The following SSBP2 variants were observed in gnomAD, a reference collection of about 807,000 sequenced individuals.
The protein encoded by SSBP2 is single stranded DNA binding protein 2.
Under a neutral mutation model 61.8 loss-of-function variants are expected in SSBP2, and 17 were observed. The ratio of observed to expected loss-of-function variants is 0.28; its 90% CI spans 0.19 to 0.41. SSBP2 has a LOEUF of 0.41. SSBP2 is among the 10% of genes least tolerant of loss of function. SSBP2 has a pLI of 1.00. For synonymous variants in SSBP2, 139 were observed against 141.3 expected (o/e 0.98, Z 0.12); for missense variants, 310 against 458.7 (o/e 0.68, Z 2.96).
chr5:81,716,550 A>C (rs1344042680), intron 1 of SSBP2, among the ~76,000 whole-genome samples: 1 of 152,226 alleles, frequency 6.6e-6, no homozygotes, highest in Non-Finnish European at 1.5e-5. Context: ...ATACTTGTGT[A>C]TATAATTTTT....
chr5:81,425,373 A>G (rs541529463), intron 16 of SSBP2, among the ~76,000 whole-genome samples: 3 of 152,350 alleles, frequency 2.0e-5, no homozygotes, highest in Admixed American at 2.0e-4. Context: ...ATTTATGATT[A>G]CATTAAAAAA....
At chr5:81,682,107 T>A (rs1752431354) in intron 1 of SSBP2, among the ~76,000 whole-genome samples, 1 of 152,186 alleles carries the variant, frequency 6.6e-6, no homozygotes, top group South Asian at 2.1e-4. Flanking sequence ...AGCCCAGATG[T>A]GTGGGCTGGC....
intron 9 of SSBP2, among the ~76,000 whole-genome samples, chr5:81,463,181 T>C (rs1169763346): frequency 1.3e-5 from 2 of 152,108 alleles, no homozygotes; most frequent in South Asian, 4.1e-4. Flanking sequence ...ACATTACCAT[T>C]GTGTTTGAAA....
chr5:81,525,654 G>A (rs905866663), intron 4 of SSBP2, among the ~76,000 whole-genome samples: 10 of 151,840 alleles, frequency 6.6e-5, no homozygotes, highest in African/African-American at 2.4e-4. Flanking sequence ...TCTACTCCTG[G>A]TGCATAGTTT....
At chr5:81,649,770 TAA>T (rs1353796869) in intron 2 of SSBP2, among the ~76,000 whole-genome samples, 1 of 147,354 alleles carries the variant, frequency 6.8e-6, no homozygotes, top group Non-Finnish European at 1.5e-5. Context: ...TTATCTAAAA[TAA>T]AAGTTGAAAT....
rs1761328069 is a variant in SSBP2, at chr5:81,416,864, A to T, written c.*3640T>A. 1 of 151,894 alleles carries T rather than the reference A, an allele frequency of 6.6e-6. No individual in the cohort carries two copies. Among genetic ancestry groups the T allele is most frequent in the Admixed American group, 6.6e-5 (1 of 15,230 alleles). 9.4% of individuals were successfully genotyped at this position (151,894 alleles called of 1,614,324 possible). A position where few individuals can be genotyped will look rare whatever the true frequency, so the allele number is the denominator to read the frequency against. ...TTGTTAATCTTTTTGGCAATTGAGA[A>T]ATCTTTTCTATTTTTGAGATGGAGT... is the stretch of plus-strand genomic sequence containing the variant. On this transcript the variant is annotated 3_prime_UTR_variant, in exon 17 of 17. Coordinates refer to ENST00000320672, the MANE Select transcript of SSBP2 (RefSeq NM_012446.5).
chr5:81,726,914 T>C (rs1755925559), intron 1 of SSBP2, among the ~76,000 whole-genome samples: 1 of 152,216 alleles, frequency 6.6e-6, no homozygotes. Flanking sequence ...CTTCAGCACA[T>C]ACCTTTTCCT....
intron 10 of SSBP2, among the ~76,000 whole-genome samples, chr5:81,460,744 T>C (rs1764478286): frequency 6.6e-6 from 1 of 152,180 alleles, no homozygotes; most frequent in South Asian, 2.1e-4. Context: ...GATCAAACCA[T>C]TTTATGATAC....
intron 4 of SSBP2, among the ~76,000 whole-genome samples, chr5:81,547,921 T>G (rs758568524): frequency 1.3e-5 from 2 of 152,110 alleles, no homozygotes; most frequent in Non-Finnish European, 2.9e-5. Context: ...AAGGGAAGGA[T>G]GAAAAGATAG....
chr5:81,495,714 A>G (rs531052815), intron 5 of SSBP2, among the ~76,000 whole-genome samples: 1 of 152,322 alleles, frequency 6.6e-6, no homozygotes, highest in East Asian at 1.9e-4. Context: ...TTCTTAGAAT[A>G]CCTAAAATTG....
At chr5:81,426,423 G>A in intron 16 of SSBP2, among the ~76,000 whole-genome samples, 1 of 152,144 alleles carries the variant, frequency 6.6e-6, no homozygotes, top group East Asian at 1.9e-4. Flanking sequence ...AACATTTCTG[G>A]TGGGGACAGG....
At chr5:81,637,156 A>G (rs1748315995) in intron 2 of SSBP2, among the ~76,000 whole-genome samples, 1 of 152,228 alleles carries the variant, frequency 6.6e-6, no homozygotes, top group Non-Finnish European at 1.5e-5. Flanking sequence ...TGTGCCACTC[A>G]GAAGTATCAG....
chr5:81,631,224 T>C (rs1217936715), intron 3 of SSBP2, among the ~76,000 whole-genome samples: 2 of 152,196 alleles, frequency 1.3e-5, no homozygotes, highest in African/African-American at 4.8e-5. Flanking sequence ...ACCGCACCTG[T>C]TCCTGCCCTA....
chr5:81,554,851 A>C (rs1271418480), intron 4 of SSBP2, among the ~76,000 whole-genome samples: 1 of 152,094 alleles, frequency 6.6e-6, no homozygotes, highest in African/African-American at 2.4e-5. Flanking sequence ...GTGTTGACTT[A>C]AGAGATAAAC....
chr5:81,737,413 C>T (rs2154008340), intron 1 of SSBP2, among the ~76,000 whole-genome samples: 1 of 152,108 alleles, frequency 6.6e-6, no homozygotes, highest in South Asian at 2.1e-4. Context: ...CTATCAATTT[C>T]CCAAAACACT....
chr5:81,747,276 G>C (rs1013796165), intron 1 of SSBP2, among the ~76,000 whole-genome samples: 1 of 152,068 alleles, frequency 6.6e-6, no homozygotes, highest in Non-Finnish European at 1.5e-5. Flanking sequence ...GTATCTTTCA[G>C]CTTCAATCAC....
At chr5:81,539,761 A>T (rs1271743034) in intron 4 of SSBP2, among the ~76,000 whole-genome samples, 1 of 152,182 alleles carries the variant, frequency 6.6e-6, no homozygotes, top group Non-Finnish European at 1.5e-5. Context: ...TTTTTTTATT[A>T]TACTTTAAGT....
intron 4 of SSBP2, among the ~76,000 whole-genome samples, chr5:81,566,038 A>T (rs955523983): frequency 3.3e-5 from 5 of 152,248 alleles, no homozygotes; most frequent in Non-Finnish European, 5.9e-5. Flanking sequence ...GACCATGATA[A>T]GGAAAATTCC....
intron 15 of SSBP2, among the ~76,000 whole-genome samples, chr5:81,435,748 T>C (rs2153942301): frequency 6.6e-6 from 1 of 152,322 alleles, no homozygotes; most frequent in South Asian, 2.1e-4. Context: ...GTAAAAATTT[T>C]AGGGAGATGG....
Sources: allele counts gnomAD v4.1 joint callset (sites outside exome capture counted in the v4.1 genomes callset), GRCh38; gene constraint gnomAD v4.1.1; transcripts MANE v1.5; gene names NCBI Gene and HGNC (gene_info 2026-07-23, HGNC 2026-07-21).